The following ATP9B variants were observed in gnomAD, a reference collection of about 807,000 sequenced individuals.
ATP9B encodes the protein ATPase phospholipid transporting 9B.
In ATP9B, 110 loss-of-function variants were observed where a neutral mutation model predicts 146.1. The observed-to-expected ratio is 0.75, with a 90% CI of 0.65 to 0.88. The LOEUF (loss-of-function observed/expected upper bound fraction) is 0.88. Ranked by LOEUF, ATP9B falls within the 40% of genes least tolerant of loss-of-function variation. The probability of loss-of-function intolerance (pLI) is 0.00; values close to 1 mark genes in which losing one functional copy is unlikely to be tolerated. For synonymous variants in ATP9B, 604 were observed against 569.7 expected (o/e 1.06, Z -0.86); for missense variants, 1,499 against 1,496.4 (o/e 1.00, Z -0.03).
chr18:79,327,446 T>TGTGCTCCCCATGGTTAGC (rs1298001328), intron 15 of ATP9B, among the ~76,000 whole-genome samples: 1 of 149,228 alleles, frequency 6.7e-6, no homozygotes, highest in African/African-American at 2.5e-5. Context: ...CCATGGTTAG[T>TGTGCTCCCCATGGTTAGC]GTGCTCCCCA....
intron 11 of ATP9B, among the ~76,000 whole-genome samples, chr18:79,222,150 G>A (rs1040909025): frequency 5.9e-5 from 9 of 151,438 alleles, no homozygotes; most frequent in African/African-American, 1.2e-4. Context: ...TTTTAGACAG[G>A]CAGAGACCAC....
chr18:79,076,818 C>T (rs1357429768), intron 1 of ATP9B, among the ~76,000 whole-genome samples: 2 of 152,152 alleles, frequency 1.3e-5, no homozygotes, highest in Non-Finnish European at 2.9e-5. Context: ...TCCTGAGTTT[C>T]TGCTCATTTT....
chr18:79,151,105 T>C (rs138258337), intron 6 of ATP9B, among the ~76,000 whole-genome samples: 118 of 152,342 alleles, frequency 7.7e-4, no homozygotes, highest in Non-Finnish European at 1.4e-3. Flanking sequence ...CTGAAATTCA[T>C]AGGGACATTG....
rs528466632 is a variant in ATP9B, at chr18:79,194,641, A to G, written c.954+1378A>G. 5.3e-5 allele frequency: 8 copies of G among 152,374 alleles called. No homozygotes were observed. In the South Asian group the frequency reaches 1.0e-3, roughly 20 times the overall value. 9.4% of individuals were successfully genotyped at this position (152,374 alleles called of 1,614,324 possible). A position where few individuals can be genotyped will look rare whatever the true frequency, so the allele number is the denominator to read the frequency against. On this transcript the variant is annotated intron_variant, in intron 9 of 29. Transcript: ENST00000426216. The stretch of plus-strand genomic sequence containing the variant: ...CATAAATTCTGATTCCCTTAAGATA[A>G]TGGTGGCCACTTAACTTTGTTACAT...
chr18:79,085,007 A>C (rs2073670824), intron 1 of ATP9B: 1 of 13,462 alleles, frequency 7.4e-5, no homozygotes, highest in Non-Finnish European at 3.1e-4. Flanking sequence ...GTAATTTACA[A>C]AAAAAAAAAA....
At chr18:79,203,707 A>G (rs1409960111) in intron 9 of ATP9B, among the ~76,000 whole-genome samples, 2 of 152,210 alleles carry the variant, frequency 1.3e-5, no homozygotes, top group South Asian at 2.1e-4. Context: ...AAAATGATAA[A>G]TAGGGAATTC....
At chr18:79,352,466 A>G (rs2096927560) in intron 25 of ATP9B, 1 of 152,248 alleles carries the variant, frequency 6.6e-6, no homozygotes, top group Non-Finnish European at 1.5e-5. Context: ...ATTAAATGCA[A>G]AACACAAGAA....
chr18:79,289,342 C>T (rs966080228), intron 13 of ATP9B, among the ~76,000 whole-genome samples: 1 of 152,070 alleles, frequency 6.6e-6, no homozygotes, highest in African/African-American at 2.4e-5. Flanking sequence ...CTAAACTTCC[C>T]TTCTCACTTC....
At chr18:79,131,426 A>G (rs1382794592) in intron 5 of ATP9B, among the ~76,000 whole-genome samples, 1 of 152,240 alleles carries the variant, frequency 6.6e-6, no homozygotes, top group East Asian at 1.9e-4. Flanking sequence ...GTGAAACGAC[A>G]GTCAGTCAAC....
chr18:79,107,709 A>AT (rs1439589256), intron 2 of ATP9B, among the ~76,000 whole-genome samples: 2 of 152,020 alleles, frequency 1.3e-5, no homozygotes, highest in African/African-American at 4.8e-5. Context: ...CAAGTGATTC[A>AT]TTTTTTTCCC....
chr18:79,301,021 G>A (rs541123158), intron 13 of ATP9B, among the ~76,000 whole-genome samples: 2 of 152,322 alleles, frequency 1.3e-5, no homozygotes, highest in Non-Finnish European at 2.9e-5. Flanking sequence ...CTGCTAAGTA[G>A]AATGTTTTTA....
intron 8 of ATP9B, among the ~76,000 whole-genome samples, chr18:79,188,862 T>G (rs1318591710): frequency 6.6e-6 from 1 of 150,570 alleles, no homozygotes; most frequent in African/African-American, 2.5e-5. Flanking sequence ...ATTTTTAGAA[T>G]ACTATTTTAT....
chr18:79,188,108 G>A (rs1056676797), intron 8 of ATP9B, among the ~76,000 whole-genome samples: 6 of 152,126 alleles, frequency 3.9e-5, no homozygotes, highest in African/African-American at 9.6e-5. Flanking sequence ...GAGAAAGCCC[G>A]GTGCAAATGT....
intron 26 of ATP9B, among the ~76,000 whole-genome samples, chr18:79,364,471 CAGA>C (rs1323756083): frequency 3.3e-5 from 5 of 152,114 alleles, no homozygotes; most frequent in African/African-American, 1.2e-4. Context: ...GAGAGGAAAT[CAGA>C]AGGAGAAGAG....
chr18:79,239,403 G>T lies in ATP9B; in HGVS notation c.1108-13978G>T, dbSNP rs1323793208. ...TGCAGACACTGTGAGCCCACCCATG[G>T]AGGTACACAAACCATCCTCATAAAA... On this transcript the variant is annotated intron_variant, in intron 11 of 29. Transcript: ENST00000426216. The surrounding 1 kb of genome is among the most constrained non-coding windows in gnomAD (Gnocchi z 5.1). Among the ~76,000 whole-genome samples, 1 of 152,204 alleles carries T rather than the reference G, an allele frequency of 6.6e-6. No homozygotes were observed. Among genetic ancestry groups the T allele is most frequent in the Non-Finnish European group, 1.5e-5 (1 of 68,034 alleles).
chr18:79,306,191 A>G (rs1376787013), intron 14 of ATP9B, among the ~76,000 whole-genome samples: 1 of 152,258 alleles, frequency 6.6e-6, no homozygotes, highest in Non-Finnish European at 1.5e-5. Flanking sequence ...TTGGTTTCCA[A>G]GGAGGATTGT....
chr18:79,337,302 G>A lies in ATP9B; in HGVS notation c.2136G>A (p.Leu712=), dbSNP rs1376611314. ...DFESRYTQAK[L]SMHDRSLKVA... is the part of the protein sequence containing the mutation. The stretch of plus-strand genomic sequence containing the variant: ...AGAGCCGATACACTCAAGCCAAGCT[G>A]AGCATGCACGACAGGTCCCTCAAGG... Residue 712 remains leucine, a synonymous_variant, in exon 19 of 30, where the codon CTG becomes CTA. Transcript: ENST00000426216. The A allele has an allele frequency of 1.9e-6, 3 of 1,614,046 alleles. No homozygotes were observed. Among genetic ancestry groups the A allele is most frequent in the South Asian group, 1.1e-5 (1 of 91,080 alleles).
chr18:79,192,442 A>G (rs893473201), intron 8 of ATP9B, among the ~76,000 whole-genome samples: 1 of 152,198 alleles, frequency 6.6e-6, no homozygotes, highest in African/African-American at 2.4e-5. Context: ...TTATGACAGC[A>G]AAAGCATACA....
intron 11 of ATP9B, among the ~76,000 whole-genome samples, chr18:79,217,759 G>A (rs201521034): frequency 6.6e-6 from 1 of 152,264 alleles, no homozygotes; most frequent in East Asian, 1.9e-4. Context: ...GTTTTCTGAC[G>A]GTGACATCAC....
Sources: gnomAD v4.1 joint callset for allele counts (sites outside exome capture counted in the v4.1 genomes callset) on GRCh38, gnomAD v4.1.1 for gene constraint, Gnocchi (gnomAD v3.1) non-coding constraint, MANE v1.5 for transcripts, NCBI Gene and HGNC (gene_info 2026-07-23, HGNC 2026-07-21) for gene names.